MYRIP: variants seen among roughly 807,000 people sequenced by gnomAD.
MYRIP encodes myosin VIIA and Rab interacting protein.
A neutral mutation model predicts 98.0 loss-of-function variants in MYRIP; 49 were observed. The ratio of observed to expected loss-of-function variants is 0.50; its 90% confidence interval spans 0.40 to 0.63. The LOEUF is 0.63. Among genes scored for constraint, MYRIP ranks in the 30% least tolerant of loss-of-function variants. MYRIP has a pLI of 0.00. For missense variants in MYRIP, 1,004 were observed against 1,058.2 expected (o/e 0.95, Z 0.71); for synonymous variants, 404 against 409.5 (o/e 0.99, Z 0.16).
intron 11 of MYRIP, among the ~76,000 whole-genome samples, chr3:40,233,286 G>A (rs1952716541): frequency 1.3e-5 from 2 of 152,192 alleles, no homozygotes; most frequent in Admixed American, 1.3e-4. Flanking sequence ...GAATGGGCTT[G>A]CAAATAGGTG....
chr3:40,253,481 C>T lies in MYRIP; in HGVS notation c.2547+1482C>T, dbSNP rs371262133. On this transcript the variant is annotated intron_variant, in intron 16 of 16. Coordinates refer to ENST00000302541, the MANE Select transcript of MYRIP (RefSeq NM_015460.4). ...CCTATGGAGCTTTAATTCATTAATGCAAATAAAAACTCAAACAAGCCTACA... is the reference window on the plus strand; with the variant it reads ...CCTATGGAGCTTTAATTCATTAATGTAAATAAAAACTCAAACAAGCCTACA... Among the ~76,000 whole-genome samples, 54 of 152,248 alleles carry T rather than the reference C, an allele frequency of 3.5e-4. No individual in the cohort carries two copies. In the South Asian group the frequency reaches 0.011, roughly 30 times the overall value.
In MYRIP at chr3:40,258,200, C is replaced by A; in HGVS notation, c.*34C>A. On this transcript the variant is annotated 3_prime_UTR_variant, in exon 17 of 17. Coordinates refer to ENST00000302541, the MANE Select transcript of MYRIP (RefSeq NM_015460.4). Reference sequence around the variant, plus strand: ...AATTCCACTGCCAGTGACCCACTGCCTCCGGCCGTACACGACAGTGCCTTG... The same window carrying A: ...AATTCCACTGCCAGTGACCCACTGCATCCGGCCGTACACGACAGTGCCTTG... 1 of 1,613,928 alleles carries A rather than the reference C, an allele frequency of 6.2e-7. No homozygotes were observed. Among genetic ancestry groups the A allele is most frequent in the Non-Finnish European group, 8.5e-7 (1 of 1,179,792 alleles).
intron 3 of MYRIP, among the ~76,000 whole-genome samples, chr3:40,093,136 A>T (rs1445299169): frequency 6.6e-6 from 1 of 152,194 alleles, no homozygotes; most frequent in African/African-American, 2.4e-5. Context: ...GGACTTACAT[A>T]CAGAAGAGAG....
Position 39,962,408 on chromosome 3 carries a change from G to A in MYRIP, c.110+61482G>A, listed in dbSNP as rs563124763. Among the ~76,000 whole-genome samples the A allele has an allele frequency of 4.0e-5, 6 of 151,088 alleles. No individual in the cohort carries two copies. In the South Asian group the frequency reaches 6.3e-4, roughly 16 times the overall value. ...GTCTGCTGGGACATAATTTGGAGAT[G>A]GATAAGGACCCCAAAGCACTAATGG... On this transcript the variant is annotated intron_variant, in intron 2 of 16. Coordinates refer to ENST00000302541, the MANE Select transcript of MYRIP (RefSeq NM_015460.4).
At position 40,203,014 on chromosome 3, in the gene MYRIP, C is replaced by T. The variant is rs530196064; in HGVS notation, c.1666-6840C>T. ...GTGCAATGTCGGCTCACTGCAATCT[C>T]CACCTCCCAGGTTCAAGCGATTCTC... is the stretch of plus-strand genomic sequence containing the variant. On this transcript the variant is annotated intron_variant, in intron 10 of 16. Coordinates refer to ENST00000302541, the MANE Select transcript of MYRIP (RefSeq NM_015460.4). Among the ~76,000 whole-genome samples the T allele has an allele frequency of 3.3e-5, 5 of 152,040 alleles. No homozygotes were observed. The East Asian group carries it at 9.7e-4, about 29-fold the overall frequency.
intron 11 of MYRIP, among the ~76,000 whole-genome samples, chr3:40,210,855 G>C (rs1799422): frequency 0.46 from 69,297 of 151,904 alleles, 16,736 homozygotes; most frequent in Non-Finnish European, 0.55. Flanking sequence ...TCTGCCTGCT[G>C]TCCTCCAGCA....
chr3:39,881,373 C>T (rs1943151970), intron 1 of MYRIP, among the ~76,000 whole-genome samples: 1 of 152,074 alleles, frequency 6.6e-6, no homozygotes, highest in African/African-American at 2.4e-5. Flanking sequence ...TGGGGTTCAC[C>T]ATAGAATAAA....
intron 1 of MYRIP, among the ~76,000 whole-genome samples, chr3:39,863,764 T>C (rs1254479120): frequency 6.7e-6 from 1 of 150,038 alleles, no homozygotes; most frequent in East Asian, 2.0e-4. Flanking sequence ...TTCCAAAAAA[T>C]TGAGGCAAGA....
At chr3:39,991,406 G>C (rs1030309123) in intron 2 of MYRIP, among the ~76,000 whole-genome samples, 1 of 152,182 alleles carries the variant, frequency 6.6e-6, no homozygotes, top group Non-Finnish European at 1.5e-5. Context: ...TCCTGCCTTG[G>C]CTGTGACTTC....
intron 2 of MYRIP, among the ~76,000 whole-genome samples, chr3:40,016,179 T>C (rs1946856957): frequency 6.6e-6 from 1 of 152,118 alleles, no homozygotes; most frequent in Non-Finnish European, 1.5e-5. Context: ...TCTATGCTGG[T>C]GACTACTGCA....
At chr3:39,812,085 A>C (rs1940715170) in intron 1 of MYRIP, among the ~76,000 whole-genome samples, 3 of 152,110 alleles carry the variant, frequency 2.0e-5, no homozygotes, top group Non-Finnish European at 2.9e-5. Context: ...AATTCCAGAA[A>C]ATAATGCAGT....
chr3:40,205,697 T>G (rs1428586844), intron 10 of MYRIP, among the ~76,000 whole-genome samples: 2 of 152,112 alleles, frequency 1.3e-5, no homozygotes, highest in Non-Finnish European at 2.9e-5. Flanking sequence ...GAGTTCATAA[T>G]CTTCTCTGTG....
At chr3:40,187,435 C>T (rs116670353) in intron 9 of MYRIP, among the ~76,000 whole-genome samples, 103 of 152,288 alleles carry the variant, frequency 6.8e-4, no homozygotes, top group South Asian at 1.2e-3. Context: ...GGGAAAGGAG[C>T]CATCAGGAAT....
chr3:39,954,762 G>A (rs1400959747), intron 2 of MYRIP, among the ~76,000 whole-genome samples: 1 of 152,038 alleles, frequency 6.6e-6, no homozygotes, highest in African/African-American at 2.4e-5. Context: ...TCGCAAAGAA[G>A]CTAAAAACCT....
chr3:39,961,304 C>T (rs1945320527), intron 2 of MYRIP, among the ~76,000 whole-genome samples: 1 of 152,058 alleles, frequency 6.6e-6, no homozygotes, highest in African/African-American at 2.4e-5. Flanking sequence ...GAGATCCACA[C>T]GCATTTCCCT....
At chr3:39,836,925 AAGTT>A (rs1355119963) in intron 1 of MYRIP, among the ~76,000 whole-genome samples, 1 of 152,176 alleles carries the variant, frequency 6.6e-6, no homozygotes, top group Non-Finnish European at 1.5e-5. Context: ...TCTGGCTCAA[AAGTT>A]AGTTAATGGA....
At chr3:39,855,828 G>A (rs141638534) in intron 1 of MYRIP, among the ~76,000 whole-genome samples, 3 of 152,164 alleles carry the variant, frequency 2.0e-5, no homozygotes, top group Non-Finnish European at 2.9e-5. Context: ...AGCAGCTCCC[G>A]CTTCTCCCCA....
chr3:39,848,977 C>T (rs189273037), intron 1 of MYRIP, among the ~76,000 whole-genome samples: 199 of 152,158 alleles, frequency 1.3e-3, no homozygotes, highest in Admixed American at 3.2e-3. Context: ...ACAGGAGTAA[C>T]GTATTTTGAA....
intron 2 of MYRIP, among the ~76,000 whole-genome samples, chr3:40,013,087 T>C (rs1391691922): frequency 1.3e-5 from 2 of 152,210 alleles, no homozygotes; most frequent in African/African-American, 4.8e-5. Flanking sequence ...TGCTGCAAGC[T>C]GCATTTCTAT....
Sources: gnomAD v4.1 joint callset for allele counts (sites outside exome capture counted in the v4.1 genomes callset) on GRCh38, gnomAD v4.1.1 for gene constraint, MANE v1.5 for transcripts, NCBI Gene and HGNC (gene_info 2026-07-23, HGNC 2026-07-21) for gene names.